Variants in SLC25A13 observed in about 807,000 individuals in gnomAD.
SLC25A13 encodes the protein solute carrier family 25 member 13.
A neutral mutation model predicts 85.5 loss-of-function variants in SLC25A13; 70 were observed. The ratio of observed to expected loss-of-function variants is 0.82; its 90% CI spans 0.68 to 1.00. SLC25A13 has a LOEUF of 1.00. SLC25A13 is among the 50% of genes least tolerant of loss of function. SLC25A13 has a pLI of 0.00. For missense variants in SLC25A13, 765 were observed against 819.8 expected (o/e 0.93, Z 0.82); for synonymous variants, 259 against 288.7 (o/e 0.90, Z 1.04).
chr7:96,307,512 G>A (rs1799792552), intron 1 of SLC25A13, among the ~76,000 whole-genome samples: 1 of 151,424 alleles, frequency 6.6e-6, no homozygotes, highest in African/African-American at 2.4e-5. Context: ...CCATAATCGC[G>A]CCACTGCACG....
At chr7:96,287,843 C>T (rs1336101229) in intron 2 of SLC25A13, among the ~76,000 whole-genome samples, 5 of 152,216 alleles carry the variant, frequency 3.3e-5, no homozygotes, top group Non-Finnish European at 1.5e-5. Context: ...AGAACGATGA[C>T]TTCTTTACCA....
At chr7:96,278,031 G>C (rs770619628) in intron 2 of SLC25A13, among the ~76,000 whole-genome samples, 11 of 152,168 alleles carry the variant, frequency 7.2e-5, no homozygotes, top group Non-Finnish European at 1.5e-4. Context: ...GAAATGCTCA[G>C]TAAGAATTAG....
chr7:96,164,983 C>T (rs931071708), intron 13 of SLC25A13, among the ~76,000 whole-genome samples: 3 of 152,038 alleles, frequency 2.0e-5, no homozygotes, highest in South Asian at 2.1e-4. Flanking sequence ...TCAGATTTGT[C>T]GTTGATTGGC....
Position 96,121,207 on chromosome 7 carries a change from A to G in SLC25A13, c.2012T>C (p.Ile671Thr), listed in dbSNP as rs760982579. 5.0e-6 allele frequency: 8 copies of G among 1,614,080 alleles called. No individual in the cohort carries two copies. The South Asian group carries it at 8.8e-5, about 18-fold the overall frequency. Residue 671 changes from isoleucine (I) to threonine (T), a missense_variant, in exon 18 of 18, where the codon ATT (isoleucine) becomes ACT (threonine). Coordinates refer to ENST00000265631, the MANE Select transcript of SLC25A13 (RefSeq NM_014251.3). ...FKPSVSTSKA[I>T]GGGP The stretch of plus-strand genomic sequence containing the variant: ...CTGATCTTCCTATGGGCCTCCACCA[A>G]TAGCCTTTGAGGTAGATACTGATGG...
chr7:96,175,149 GA>G, intron 11 of SLC25A13, among the ~76,000 whole-genome samples: 1 of 152,086 alleles, frequency 6.6e-6, no homozygotes, highest in Non-Finnish European at 1.5e-5. Flanking sequence ...TGCAGGAGGG[GA>G]AAAAACATCA....
At chr7:96,305,210 CCT>C (rs1207522548) in intron 1 of SLC25A13, among the ~76,000 whole-genome samples, 3 of 152,014 alleles carry the variant, frequency 2.0e-5, no homozygotes, top group Non-Finnish European at 2.9e-5. Flanking sequence ...AGAAATGACC[CCT>C]GAGCTCAGGT....
At position 96,193,069 on chromosome 7, in the gene SLC25A13, A is replaced by C. The variant is rs1794919983; in HGVS notation, c.583T>G (p.Leu195Val). Reference sequence around the variant, plus strand: ...AGACATTCTTCTACAAAAGGAGTCAAGACATGGGGGCGGATGGTGACCATG... The same window carrying C: ...AGACATTCTTCTACAAAAGGAGTCACGACATGGGGGCGGATGGTGACCATG... ...DIMVTIRPHV[L>V]TPFVEECLVA... Residue 195 changes from leucine (L) to valine (V), a missense_variant, in exon 6 of 18, where the codon TTG (leucine) becomes GTG (valine). By Grantham distance (32) the Leu-to-Val change is conservative. Coordinates refer to ENST00000265631, the MANE Select transcript of SLC25A13 (RefSeq NM_014251.3). 3.1e-6 allele frequency: 5 copies of C among 1,614,064 alleles called. No homozygotes were observed. Among genetic ancestry groups the C allele is most frequent in the Non-Finnish European group, 3.4e-6 (4 of 1,180,034 alleles).
intron 3 of SLC25A13, among the ~76,000 whole-genome samples, chr7:96,263,375 C>T (rs1175667277): frequency 6.6e-6 from 1 of 152,162 alleles, no homozygotes; most frequent in Non-Finnish European, 1.5e-5. Context: ...CCTCCTCAAT[C>T]CTTCCATAAA....
At chr7:96,220,774 T>C (rs893041925) in intron 4 of SLC25A13, among the ~76,000 whole-genome samples, 4 of 151,766 alleles carry the variant, frequency 2.6e-5, no homozygotes, top group Admixed American at 6.6e-5. Flanking sequence ...AACATGCACA[T>C]ACACACACAC....
At chr7:96,234,125 T>C (rs1220814055) in intron 4 of SLC25A13, among the ~76,000 whole-genome samples, 1 of 152,226 alleles carries the variant, frequency 6.6e-6, no homozygotes, top group Non-Finnish European at 1.5e-5. Context: ...AGTAGCCAGT[T>C]TTTTAAAAAA....
chr7:96,199,232 G>A (rs185176377), intron 5 of SLC25A13, among the ~76,000 whole-genome samples: 23 of 152,274 alleles, frequency 1.5e-4, no homozygotes, highest in African/African-American at 5.3e-4. Context: ...GGCTTCTGGA[G>A]CCATGATGTT....
intron 4 of SLC25A13, among the ~76,000 whole-genome samples, chr7:96,228,674 GC>G (rs1796409164): frequency 6.6e-6 from 1 of 152,210 alleles, no homozygotes; most frequent in South Asian, 2.1e-4. Flanking sequence ...CGAGGCCAGA[GC>G]CAGCTCCCTC....
intron 3 of SLC25A13, among the ~76,000 whole-genome samples, chr7:96,240,961 C>T (rs1207276320): frequency 2.1e-5 from 2 of 97,552 alleles, no homozygotes; most frequent in Admixed American, 1.6e-4. Context: ...GGAAGAGCTA[C>T]GAAAGCCGAA....
At chr7:96,182,383 A>T (rs1794450257) in intron 11 of SLC25A13, among the ~76,000 whole-genome samples, 1 of 151,906 alleles carries the variant, frequency 6.6e-6, no homozygotes, top group African/African-American at 2.4e-5. Context: ...TTATATTCAC[A>T]CTCTACTCAT....
intron 1 of SLC25A13, among the ~76,000 whole-genome samples, chr7:96,297,313 T>C (rs1017141138): frequency 6.6e-6 from 1 of 152,010 alleles, no homozygotes; most frequent in Non-Finnish European, 1.5e-5. Flanking sequence ...AACAAATGTT[T>C]GTCAACTATG....
At chr7:96,238,964 C>T (rs1216766041) in intron 3 of SLC25A13, among the ~76,000 whole-genome samples, 4 of 146,102 alleles carry the variant, frequency 2.7e-5, no homozygotes, top group Non-Finnish European at 4.5e-5. Flanking sequence ...ATATAGGAGA[C>T]CATATACATA....
intron 4 of SLC25A13, among the ~76,000 whole-genome samples, chr7:96,224,658 T>C (rs886210790): frequency 2.6e-5 from 4 of 152,252 alleles, no homozygotes; most frequent in Non-Finnish European, 5.9e-5. Flanking sequence ...CTATGTACAC[T>C]GGTAACTCTA....
intron 4 of SLC25A13, among the ~76,000 whole-genome samples, chr7:96,213,258 TC>T (rs2116732497): frequency 6.6e-6 from 1 of 152,296 alleles, no homozygotes; most frequent in South Asian, 2.1e-4. Flanking sequence ...TCTCCCTCAC[TC>T]TGGGAGACAT....
rs781292740 is a variant in SLC25A13 at position 96,121,277 on chromosome 7, C to T, written c.1942G>A (p.Ala648Thr). The change falls in exon 18 of 18, where the codon GCA becomes ACA. Residue 648 changes from alanine to threonine, a missense_variant. Physicochemically the swap from Ala to Thr is moderately conservative, Grantham distance 58 (BLOSUM62 0). Coordinates refer to ENST00000265631, the MANE Select transcript of SLC25A13 (RefSeq NM_014251.3). ...GGYKLAVATF[A>T]GIENKFGLYL... ...AGTCCAAATTTGTTTTCAATCCCTG[C>T]AAATGTAGCAACTGCCAGTTTGTAG... 1.2e-6 allele frequency: 2 copies of T among 1,614,106 alleles called. No individual in the cohort carries two copies. Among genetic ancestry groups the T allele is most frequent in the Non-Finnish European group, 8.5e-7 (1 of 1,180,016 alleles).
Sources: gnomAD v4.1 joint callset for allele counts (sites outside exome capture counted in the v4.1 genomes callset) on GRCh38, gnomAD v4.1.1 for gene constraint, MANE v1.5 for transcripts, NCBI Gene and HGNC (gene_info 2026-07-23, HGNC 2026-07-21) for gene names.